KCNB2: variants seen among roughly 807,000 people sequenced by gnomAD.
KCNB2 encodes potassium voltage-gated channel subfamily B member 2, also known as delayed rectifier potassium channel protein.
A neutral mutation model predicts 61.5 loss-of-function variants in KCNB2; 15 were observed. The ratio of observed to expected loss-of-function variants is 0.24; its 90% confidence interval spans 0.16 to 0.38. The LOEUF is 0.38. Ranked by LOEUF, KCNB2 falls within the 10% of genes least tolerant of loss-of-function variation. KCNB2 has a pLI of 1.00. For missense variants in KCNB2, 828 were observed against 1,125.2 expected, an observed-to-expected ratio of 0.74 and a Z score of 3.78; for synonymous variants, 457 against 446.0, an observed-to-expected ratio of 1.02 and a Z score of -0.31.
intron 2 of KCNB2, among the ~76,000 whole-genome samples, chr8:72,813,375 G>T (rs1404720752): frequency 1.2e-4 from 18 of 151,724 alleles, no homozygotes; most frequent in Admixed American, 1.2e-3. Context: ...AAACGCAGCT[G>T]CCCCTGGGAG....
chr8:72,547,482 G>A (rs7843749), intron 1 of KCNB2, among the ~76,000 whole-genome samples: 11,475 of 152,228 alleles, frequency 0.075, 941 homozygotes, highest in African/African-American at 0.2. Context: ...TGTGATTGAT[G>A]GGAGGAAGTC....
At chr8:72,887,523 A>G (rs1805826328) in intron 2 of KCNB2, among the ~76,000 whole-genome samples, 1 of 152,140 alleles carries the variant, frequency 6.6e-6, no homozygotes, top group Admixed American at 6.5e-5. Context: ...CAGGAACAGG[A>G]AGACAGGAAG....
intron 2 of KCNB2, chr8:72,881,718 C>G (rs1039996805): frequency 6.6e-6 from 1 of 152,300 alleles, no homozygotes; most frequent in African/African-American, 2.4e-5. Context: ...GCCTCTAGCT[C>G]AGAGAGGGAA....
At chr8:72,594,394 A>G (rs1379665090) in intron 2 of KCNB2, among the ~76,000 whole-genome samples, 3 of 152,286 alleles carry the variant, frequency 2.0e-5, no homozygotes, top group African/African-American at 2.4e-5. Context: ...AGTCAAATAT[A>G]TAGTCAGGTA....
At chr8:72,893,113 A>C (rs1429047097) in intron 2 of KCNB2, among the ~76,000 whole-genome samples, 1 of 151,952 alleles carries the variant, frequency 6.6e-6, no homozygotes, top group African/African-American at 2.4e-5. Context: ...AAAAAAAAAA[A>C]AACTAGATGG....
intron 2 of KCNB2, among the ~76,000 whole-genome samples, chr8:72,607,179 T>C (rs1450203348): frequency 6.6e-6 from 1 of 152,048 alleles, no homozygotes; most frequent in Admixed American, 6.6e-5. Context: ...GCAGTGGTAA[T>C]GCTAAAGAGA....
intron 2 of KCNB2, among the ~76,000 whole-genome samples, chr8:72,605,862 T>C (rs1805439945): frequency 6.6e-6 from 1 of 152,156 alleles, no homozygotes; most frequent in South Asian, 2.1e-4. Flanking sequence ...TTAGGCTAAC[T>C]TTTTGATAGA....
intron 2 of KCNB2, among the ~76,000 whole-genome samples, chr8:72,813,380 T>C (rs1809337504): frequency 6.6e-6 from 1 of 151,890 alleles, no homozygotes; most frequent in Non-Finnish European, 1.5e-5. Context: ...CAGCTGCCCC[T>C]GGGAGATATG....
At chr8:72,550,729 G>A (rs762811222) in intron 1 of KCNB2, among the ~76,000 whole-genome samples, 24 of 152,212 alleles carry the variant, frequency 1.6e-4, no homozygotes, top group Non-Finnish European at 2.5e-4. Context: ...GGAAAAGCCA[G>A]TCCTAAAAGG....
At chr8:72,805,002 C>T (rs554285391) in intron 2 of KCNB2, among the ~76,000 whole-genome samples, 8 of 152,102 alleles carry the variant, frequency 5.3e-5, no homozygotes, top group Non-Finnish European at 8.8e-5. Flanking sequence ...GACATGGCTG[C>T]GACTCTTCCG....
At chr8:72,726,457 T>C (rs1807653118) in intron 2 of KCNB2, among the ~76,000 whole-genome samples, 1 of 152,216 alleles carries the variant, frequency 6.6e-6, no homozygotes, top group Non-Finnish European at 1.5e-5. Flanking sequence ...AATACATACA[T>C]AGATGATTGT....
intron 2 of KCNB2, among the ~76,000 whole-genome samples, chr8:72,695,210 TC>T (rs1807000444): frequency 6.6e-6 from 1 of 152,146 alleles, no homozygotes; most frequent in Admixed American, 6.5e-5. Flanking sequence ...TAAATAACTA[TC>T]AACCTCTCTT....
chr8:72,652,953 C>T (rs1025124130), intron 2 of KCNB2, among the ~76,000 whole-genome samples: 2 of 152,030 alleles, frequency 1.3e-5, no homozygotes, highest in Admixed American at 6.6e-5. Flanking sequence ...GAGTGGGAAC[C>T]CGTAGCCTGC....
At chr8:72,754,187 G>A (rs1392053032) in intron 2 of KCNB2, among the ~76,000 whole-genome samples, 2 of 152,128 alleles carry the variant, frequency 1.3e-5, no homozygotes, top group Admixed American at 1.3e-4. Flanking sequence ...GCCAATTGGG[G>A]AACAAGACCA....
At chr8:72,914,044 A>G (rs1169175045) in intron 2 of KCNB2, among the ~76,000 whole-genome samples, 1 of 152,216 alleles carries the variant, frequency 6.6e-6, no homozygotes, top group African/African-American at 2.4e-5. Context: ...TTTATTTCTC[A>G]CAGTTCTTGA....
At chr8:72,561,778 G>GATACATATATATATATATACAT (rs1806537044) in intron 1 of KCNB2, among the ~76,000 whole-genome samples, 30 of 34,324 alleles carry the variant, frequency 8.7e-4, no homozygotes, top group African/African-American at 3.2e-3. Context: ...TATATATATG[G>GATACATATATATATATATACAT]ATATATATAT....
At chr8:72,732,904 C>G (rs1368538971) in intron 2 of KCNB2, among the ~76,000 whole-genome samples, 2 of 152,062 alleles carry the variant, frequency 1.3e-5, no homozygotes, top group Non-Finnish European at 2.9e-5. Context: ...ACCTCTCTCC[C>G]CAACTAAAAT....
At chr8:72,866,881 C>T (rs1459892206) in intron 2 of KCNB2, among the ~76,000 whole-genome samples, 1 of 152,140 alleles carries the variant, frequency 6.6e-6, no homozygotes, top group Admixed American at 6.5e-5. Flanking sequence ...GAAGTGTCAG[C>T]CTCTCCAGGG....
intron 1 of KCNB2, among the ~76,000 whole-genome samples, chr8:72,554,578 G>A (rs1483020034): frequency 1.3e-5 from 2 of 152,006 alleles, no homozygotes; most frequent in Admixed American, 6.6e-5. Flanking sequence ...AAAGAACTAG[G>A]TTCAGAAGCA....
Sources: allele counts gnomAD v4.1 joint callset (sites outside exome capture counted in the v4.1 genomes callset), GRCh38; gene constraint gnomAD v4.1.1; transcripts MANE v1.5; gene names NCBI Gene and HGNC (gene_info 2026-07-23, HGNC 2026-07-21).